The following IL3RA variants were observed in gnomAD, a reference collection of about 807,000 sequenced individuals.
IL3RA encodes interleukin-3 receptor subunit alpha.
IL3RA carries 73 observed loss-of-function variants against 52.3 expected under a neutral mutation model. The ratio of observed to expected loss-of-function variants is 1.40; its 90% CI spans 1.16 to 1.70. IL3RA has a LOEUF of 1.70. Ranked by LOEUF, IL3RA falls within the 40% of genes most tolerant of loss-of-function variation. The pLI is 0.00. For missense variants in IL3RA, 664 were observed against 504.4 expected, an observed-to-expected ratio of 1.32 and a Z score of -3.03; for synonymous variants, 260 against 194.0, an observed-to-expected ratio of 1.34 and a Z score of -2.83.
At chrX:1,380,320 G>A (rs1160203102) in intron 10 of IL3RA, among the ~76,000 whole-genome samples, 2 of 143,768 alleles carry the variant, frequency 1.4e-5, no homozygotes, top group Non-Finnish European at 3.0e-5. Flanking sequence ...GAGCCACCAT[G>A]ACCAGCCAGG....
chrX:1,352,056 C>T (rs773324562), intron 4 of IL3RA, 44 bp from the exon 5 acceptor site: 18 of 1,604,536 alleles, frequency 1.1e-5, no homozygotes, highest in Admixed American at 3.4e-5. Context: ...TGAGCCACCG[C>T]GCCCGGTCCC....
intron 9 of IL3RA, among the ~76,000 whole-genome samples, chrX:1,366,963 G>C (rs1253316289): frequency 4.9e-5 from 1 of 20,514 alleles, no homozygotes; most frequent in Non-Finnish European, 7.6e-5. Flanking sequence ...CGGGGTGCGC[G>C]GGGTGCGCCG....
chrX:1,381,177 C>G (rs1397484751), intron 11 of IL3RA, 73 bp downstream of exon 11: 1 of 1,310,612 alleles, frequency 7.6e-7, no homozygotes, highest in South Asian at 1.2e-5. Context: ...GGCGGGCGGA[C>G]CACTTGAGGC....
intron 3 of IL3RA, among the ~76,000 whole-genome samples, chrX:1,345,990 G>C (rs370291094): frequency 1.4e-4 from 22 of 152,100 alleles, no homozygotes; most frequent in South Asian, 6.2e-4. Context: ...GGATGTGAAA[G>C]TGAAATGAGG....
At chrX:1,349,575 G>A (rs1257568934) in intron 4 of IL3RA, among the ~76,000 whole-genome samples, 3 of 152,114 alleles carry the variant, frequency 2.0e-5, no homozygotes, top group Non-Finnish European at 1.5e-5. Flanking sequence ...GTCTCCCAAA[G>A]TGCAGGGATT....
intron 10 of IL3RA, 123 bp downstream of exon 10, chrX:1,378,887 G>A: frequency 1.0e-6 from 1 of 952,628 alleles, no homozygotes; most frequent in Non-Finnish European, 1.6e-6. Flanking sequence ...CTGTCTCCCA[G>A]GCTGGAGTGC....
intron 10 of IL3RA, among the ~76,000 whole-genome samples, chrX:1,380,177 T>A (rs1381927984): frequency 1.1e-4 from 16 of 142,540 alleles, no homozygotes; most frequent in Non-Finnish European, 1.7e-4. Context: ...GACAGGCGTG[T>A]GCCACCATGC....
intron 7 of IL3RA, among the ~76,000 whole-genome samples, chrX:1,357,743 G>T (rs1460498030): frequency 6.7e-6 from 1 of 149,964 alleles, no homozygotes. Flanking sequence ...AAAACGTTAG[G>T]TCTATTAATT....
chrX:1,371,036 GA>G (rs1281901896), intron 9 of IL3RA, among the ~76,000 whole-genome samples: 1 of 5,980 alleles, frequency 1.7e-4, no homozygotes, highest in African/African-American at 2.8e-3. Context: ...ACGACCCTGT[GA>G]GGACACAGGG....
intron 4 of IL3RA, among the ~76,000 whole-genome samples, chrX:1,349,568 T>G (rs2085986498): frequency 6.6e-6 from 1 of 152,178 alleles, no homozygotes; most frequent in African/African-American, 2.4e-5. Flanking sequence ...CGCCTCAGTC[T>G]CCCAAAGTGC....
chrX:1,341,397 A>T (rs1221892813), intron 1 of IL3RA, among the ~76,000 whole-genome samples: 53 of 152,048 alleles, frequency 3.5e-4, no homozygotes, highest in East Asian at 2.5e-3. Context: ...ACACACACAG[A>T]CACATGTACA....
At chrX:1,356,583 C>T (rs1846363039) in intron 7 of IL3RA, among the ~76,000 whole-genome samples, 1 of 151,978 alleles carries the variant, frequency 6.6e-6, no homozygotes, top group African/African-American at 2.4e-5. Flanking sequence ...TCCTGGCTAA[C>T]GCGGTGAAAC....
chrX:1,355,468 G>GGGAGGAGGGGGAGGAGGA (rs1569523227), intron 6 of IL3RA, among the ~76,000 whole-genome samples: 2 of 142,884 alleles, frequency 1.4e-5, no homozygotes, highest in African/African-American at 5.2e-5. Flanking sequence ...TAGGAGGAGG[G>GGGAGGAGGGGGAGGAGGA]GGAGGAGGAG....
intron 4 of IL3RA, 30 bp downstream of exon 4, chrX:1,348,575 C>T: frequency 6.6e-7 from 1 of 1,509,858 alleles, no homozygotes; most frequent in South Asian, 1.1e-5. Flanking sequence ...TTTGTTTATT[C>T]TCTATTCCCT....
intron 8 of IL3RA, among the ~76,000 whole-genome samples, chrX:1,363,871 C>T (rs370522041): frequency 2.6e-5 from 4 of 151,940 alleles, no homozygotes; most frequent in African/African-American, 9.7e-5. Context: ...AGGCGTTTGC[C>T]ACCAGGTCAG....
At position 1,368,326 on chromosome X, in the gene IL3RA, T is replaced by G. The variant is rs182550495; in HGVS notation, c.874+3074T>G. ...CTGGCCGGGCACGGTGACTCATGCC[T>G]GCCATCCCAGCACTTTGGGAGGCTG... is the stretch of plus-strand genomic sequence containing the variant. On this transcript the variant is annotated intron_variant, in intron 9 of 11. Coordinates refer to ENST00000331035, the MANE Select transcript of IL3RA (RefSeq NM_002183.4). Among the ~76,000 whole-genome samples, 910 of 152,204 alleles carry G rather than the reference T, an allele frequency of 6.0e-3. 6 individuals carry two copies. Among genetic ancestry groups the G allele is most frequent in the Admixed American group, 7.7e-3 (118 of 15,282 alleles).
chrX:1,381,465 T>TG (rs1314466722), intron 11 of IL3RA, among the ~76,000 whole-genome samples: 1 of 148,748 alleles, frequency 6.7e-6, no homozygotes, highest in South Asian at 2.1e-4. Flanking sequence ...ATGAAGGGAG[T>TG]GGGGGGACAC....
At chrX:1,355,714 G>A in intron 6 of IL3RA, among the ~76,000 whole-genome samples, 1 of 152,078 alleles carries the variant, frequency 6.6e-6, no homozygotes, top group South Asian at 2.1e-4. Context: ...TCAGGAGGAT[G>A]TGTGCAGGTC....
rs1422401701 is a variant in IL3RA at position 1,370,143 on chromosome X, G to T, written c.874+4891G>T. ...GAAGACGGCGTCTCCAAGCCCAGGAGAGGGGCCTCAGGAGGAACCAGCACT... is the reference window on the plus strand; with the variant it reads ...GAAGACGGCGTCTCCAAGCCCAGGATAGGGGCCTCAGGAGGAACCAGCACT... On this transcript the variant is annotated intron_variant, in intron 9 of 11. Coordinates refer to ENST00000331035, the MANE Select transcript of IL3RA (RefSeq NM_002183.4). Among the ~76,000 whole-genome samples the T allele has an allele frequency of 3.8e-4, 10 of 26,002 alleles. 1 individual carries two copies. In the Admixed American group the frequency reaches 4.3e-3, roughly 11 times the overall value. 17.1% of individuals were successfully genotyped at this position (26,002 alleles called of 152,430 possible).
Sources: allele counts gnomAD v4.1 joint callset (sites outside exome capture counted in the v4.1 genomes callset), GRCh38; gene constraint gnomAD v4.1.1; transcripts MANE v1.5; gene names NCBI Gene and HGNC (gene_info 2026-07-23, HGNC 2026-07-21).